SLC16A6: variants seen among roughly 807,000 people sequenced by gnomAD.
SLC16A6 encodes the protein solute carrier family 16 member 6.
Under a neutral mutation model 33.8 loss-of-function variants are expected in SLC16A6, and 15 were observed. The ratio of observed to expected loss-of-function variants is 0.44; its 90% CI spans 0.30 to 0.68. The LOEUF (loss-of-function observed/expected upper bound fraction) is 0.68, where lower values mean the gene tolerates loss of function less well. SLC16A6 is among the 30% of genes least tolerant of loss of function. The pLI is 0.10. For missense variants in SLC16A6, 451 were observed against 661.5 expected, an observed-to-expected ratio of 0.68 and a Z score of 3.49; for synonymous variants, 219 against 248.4, an observed-to-expected ratio of 0.88 and a Z score of 1.11.
chr17:68,287,017 C>G (rs1037557550), intron 1 of SLC16A6, among the ~76,000 whole-genome samples: 1 of 151,972 alleles, frequency 6.6e-6, no homozygotes, highest in Non-Finnish European at 1.5e-5. Flanking sequence ...GAGTTTCGCT[C>G]TTGTTGCCTA....
At chr17:68,280,392 T>C (rs569364559) in intron 1 of SLC16A6, among the ~76,000 whole-genome samples, 3 of 151,936 alleles carry the variant, frequency 2.0e-5, no homozygotes, top group South Asian at 4.2e-4. Context: ...TCAAAATATA[T>C]GACAACACAA....
At chr17:68,282,343 G>C (rs1599547660) in intron 1 of SLC16A6, among the ~76,000 whole-genome samples, 1 of 152,022 alleles carries the variant, frequency 6.6e-6, no homozygotes, top group South Asian at 2.1e-4. Flanking sequence ...CACACACCGG[G>C]GCCTGTCGTG....
chr17:68,286,443 C>A (rs1227224124), intron 1 of SLC16A6, among the ~76,000 whole-genome samples: 2 of 152,162 alleles, frequency 1.3e-5, no homozygotes, highest in African/African-American at 4.8e-5. Context: ...ACTGAAATAG[C>A]CCAATACTGA....
rs1376724423 is a variant in SLC16A6, at chr17:68,271,908, T to G, written c.506-254A>C. On this transcript the variant is annotated intron_variant, in intron 4 of 5. Transcript: ENST00000580666. The surrounding 1 kb of genome is among the most constrained non-coding windows in gnomAD (Gnocchi z 5.3). ...ACCTCCACCTCCCGGGTTCAAGCGA[T>G]TCTCCTGCCTCAGCCTCCTGAGTAG... Among the ~76,000 whole-genome samples the G allele has an allele frequency of 6.6e-6, 1 of 152,212 alleles. No homozygotes were observed. The highest frequency in any genetic ancestry group is 2.4e-5 in the African/African-American group (1 of 41,466).
chr17:68,281,260 A>C (rs111379002), intron 1 of SLC16A6, among the ~76,000 whole-genome samples: 1 of 152,126 alleles, frequency 6.6e-6, no homozygotes, highest in Non-Finnish European at 1.5e-5. Flanking sequence ...AAACTCCCCA[A>C]CAATCTGGCT....
At chr17:68,283,627 C>T (rs1317359432) in intron 1 of SLC16A6, among the ~76,000 whole-genome samples, 1 of 151,810 alleles carries the variant, frequency 6.6e-6, no homozygotes, top group Non-Finnish European at 1.5e-5. Flanking sequence ...TTGAAACCAG[C>T]CTGACCAACA....
intron 1 of SLC16A6, among the ~76,000 whole-genome samples, chr17:68,279,075 T>C (rs1194991246): frequency 2.6e-5 from 4 of 152,156 alleles, no homozygotes; most frequent in Non-Finnish European, 5.9e-5. Flanking sequence ...GCAGAATATT[T>C]AGAAGCATAT....
chr17:68,291,216 C>T (rs1205218568), upstream of SLC16A6: 1 of 151,558 alleles, frequency 6.6e-6, no homozygotes, highest in Non-Finnish European at 1.5e-5. Context: ...CCGACTCTAG[C>T]GCAAGTTGGC....
intron 1 of SLC16A6, among the ~76,000 whole-genome samples, chr17:68,288,059 C>A (rs57594173): frequency 0.37 from 55,083 of 148,004 alleles, 10,358 homozygotes; most frequent in Admixed American, 0.4. Flanking sequence ...CACAGTGGTG[C>A]GATCTCAGCC....
At chr17:68,282,476 C>T (rs1270582716) in intron 1 of SLC16A6, among the ~76,000 whole-genome samples, 3 of 139,352 alleles carry the variant, frequency 2.2e-5, no homozygotes, top group African/African-American at 8.7e-5. Flanking sequence ...ACGTTGTGCA[C>T]ATGTACCCTA....
chr17:68,271,755 T>C lies in SLC16A6; in HGVS notation c.506-101A>G. The C allele has an allele frequency of 2.3e-6, 2 of 883,714 alleles. No individual in the cohort carries two copies. Among genetic ancestry groups the C allele is most frequent in the Non-Finnish European group, 3.5e-6 (2 of 578,566 alleles). 54.7% of individuals were successfully genotyped at this position (883,714 alleles called of 1,614,324 possible). ...AGAAATATGGATCCAGATTTTGTTA[T>C]AAGTTCTGTGGAAATTTATTATACT... On this transcript the variant is annotated intron_variant, in intron 4 of 5. Coordinates refer to ENST00000580666, the MANE Select transcript of SLC16A6 (RefSeq NM_004694.5). This position sits in a 1 kb window ranked among gnomAD's most constrained non-coding sequence, Gnocchi z 5.3.
At chr17:68,276,261 C>G (rs1408258080) in intron 2 of SLC16A6, among the ~76,000 whole-genome samples, 1 of 151,384 alleles carries the variant, frequency 6.6e-6, no homozygotes, top group African/African-American at 2.4e-5. Flanking sequence ...ACCCGGCTAA[C>G]GAGAAATTTC....
At position 68,267,087 on chromosome 17, in the gene SLC16A6, TACAGA is replaced by T. The variant is rs1555746643; in HGVS notation, c.*2004_*2008del. On this transcript the variant is annotated 3_prime_UTR_variant, in exon 6 of 6. Coordinates refer to ENST00000580666, the MANE Select transcript of SLC16A6 (RefSeq NM_004694.5). ...TCTAGAAGTACCAGAATGTCACTAA[TACAGA>T]ACAGATCAGCAATCTTGTTTGTATT... The T allele has an allele frequency of 6.6e-6, 1 of 152,184 alleles. No homozygotes were observed. The highest frequency in any genetic ancestry group is 1.5e-5 in the Non-Finnish European group (1 of 68,022). 9.4% of individuals were successfully genotyped at this position (152,184 alleles called of 1,614,324 possible).
At chr17:68,288,855 C>G (rs1056152531) in intron 1 of SLC16A6, among the ~76,000 whole-genome samples, 31 of 152,196 alleles carry the variant, frequency 2.0e-4, no homozygotes, top group African/African-American at 7.0e-4. Context: ...TCTAGAACTT[C>G]TATCATCTGT....
intron 1 of SLC16A6, among the ~76,000 whole-genome samples, chr17:68,289,770 A>C (rs1555755196): frequency 1.3e-5 from 2 of 152,188 alleles, no homozygotes; most frequent in Non-Finnish European, 2.9e-5. Context: ...TGTCCTCCTC[A>C]GGAGTTCCAC....
chr17:68,279,849 T>C (rs1402260133), intron 1 of SLC16A6, among the ~76,000 whole-genome samples: 1 of 152,160 alleles, frequency 6.6e-6, no homozygotes, highest in Non-Finnish European at 1.5e-5. Context: ...AATGAGTCCA[T>C]GGTCTTCAAG....
intron 1 of SLC16A6, among the ~76,000 whole-genome samples, chr17:68,279,790 T>G (rs1487152276): frequency 1.3e-5 from 2 of 152,194 alleles, no homozygotes; most frequent in Non-Finnish European, 2.9e-5. Flanking sequence ...TTTGAAACAG[T>G]CATGTGTATT....
intron 1 of SLC16A6, chr17:68,283,102 G>T (rs2075749402): frequency 6.6e-6 from 1 of 152,076 alleles, no homozygotes. Flanking sequence ...ACTCTTGCCT[G>T]AATGACAGAG....
At position 68,271,005 on chromosome 17, in the gene SLC16A6, T is replaced by A. The variant is rs782545186; in HGVS notation, c.1155A>T (p.Leu385=). ...AFTFATEFWG[L]MSCSIFFGFM... is the part of the protein sequence containing the mutation. ...ACCCAAAAAATATGCTGCATGACAT[T>A]AGACCCCAGAATTCAGTAGCAAAAG... The change falls in exon 5 of 6, where the codon CTA becomes CTT. Residue 385 remains leucine, a synonymous_variant. Transcript: ENST00000580666. The surrounding 1 kb of genome is among the most constrained non-coding windows in gnomAD (Gnocchi z 5.3). 1.2e-5 allele frequency: 20 copies of A among 1,614,008 alleles called. No individual in the cohort carries two copies. The highest frequency in any genetic ancestry group is 1.7e-5 in the Non-Finnish European group (20 of 1,180,034).
Sources: gnomAD v4.1 joint callset for allele counts (sites outside exome capture counted in the v4.1 genomes callset) on GRCh38, gnomAD v4.1.1 for gene constraint, Gnocchi (gnomAD v3.1) non-coding constraint, MANE v1.5 for transcripts, NCBI Gene and HGNC (gene_info 2026-07-23, HGNC 2026-07-21) for gene names.